LRP1B: variants seen among roughly 807,000 people sequenced by gnomAD.
LRP1B encodes the protein LDL receptor related protein 1B, also known as low-density lipoprotein receptor-related protein 1B.
A neutral mutation model predicts 556.6 loss-of-function variants in LRP1B; 217 were observed. That is an observed-to-expected ratio of 0.39 (90% CI 0.35 to 0.44). The LOEUF (loss-of-function observed/expected upper bound fraction) is 0.44, where lower values mean the gene tolerates loss of function less well. Among genes scored for constraint, LRP1B ranks in the 20% least tolerant of loss-of-function variants. The pLI is 1.00. For synonymous variants in LRP1B, 2,047 were observed against 1,865.8 expected (o/e 1.10, Z -2.50); for missense variants, 5,053 against 5,620.8 (o/e 0.90, Z 3.23).
chr2:140,539,966 G>A (rs1680072327), intron 45 of LRP1B, among the ~76,000 whole-genome samples: 1 of 152,054 alleles, frequency 6.6e-6, no homozygotes, highest in Non-Finnish European at 1.5e-5. Context: ...AACTTTCACA[G>A]TGAGAAAATA....
chr2:141,291,855 C>CAAAAAAAAAAAAA lies in LRP1B; in HGVS notation c.344-37227_344-37215dup, dbSNP rs143819331. On this transcript the variant is annotated intron_variant, in intron 3 of 90. Coordinates refer to ENST00000389484, the MANE Select transcript of LRP1B (RefSeq NM_018557.3). ...TGGGCGAAAGAGCGAGACTCTGTCT[C>CAAAAAAAAAAAAA]AAAAAAAAAAAAAAAAAAAAAAAAA... Among the ~76,000 whole-genome samples, 11 of 99,328 alleles carry CAAAAAAAAAAAAA rather than the reference C, an allele frequency of 1.1e-4. 1 individual carries two copies. The highest frequency in any genetic ancestry group is 2.2e-4 in the Admixed American group (2 of 9,064). The allele number at this position is 99,328 out of a possible 152,430, so 65.2% of individuals were successfully genotyped here.
At chr2:140,963,048 G>A (rs1696085107) in intron 18 of LRP1B, among the ~76,000 whole-genome samples, 1 of 152,128 alleles carries the variant, frequency 6.6e-6, no homozygotes. Flanking sequence ...ATGACAAAAT[G>A]TTACAGTGGC....
intron 2 of LRP1B, among the ~76,000 whole-genome samples, chr2:141,638,072 A>T (rs556464162): frequency 6.6e-6 from 1 of 152,202 alleles, no homozygotes; most frequent in South Asian, 2.1e-4. Flanking sequence ...TGTGGTGCTC[A>T]TCTGTAGTCC....
chr2:140,955,357 C>G (rs980092367), intron 18 of LRP1B, among the ~76,000 whole-genome samples: 7 of 151,714 alleles, frequency 4.6e-5, no homozygotes, highest in African/African-American at 1.7e-4. Flanking sequence ...AATGTCATTA[C>G]GAATTCTTAT....
intron 7 of LRP1B, among the ~76,000 whole-genome samples, chr2:141,067,339 T>C (rs2105476543): frequency 6.6e-6 from 1 of 152,148 alleles, no homozygotes; most frequent in South Asian, 2.1e-4. Context: ...AATAAACAAT[T>C]AAGCTATTTT....
At chr2:142,005,364 GA>G (rs1270930337) in intron 1 of LRP1B, among the ~76,000 whole-genome samples, 1 of 151,824 alleles carries the variant, frequency 6.6e-6, no homozygotes, top group African/African-American at 2.4e-5. Context: ...TTTTCAGACC[GA>G]AAAAAATAAG....
chr2:141,301,972 T>C (rs79526257), intron 3 of LRP1B, among the ~76,000 whole-genome samples: 2,093 of 152,270 alleles, frequency 0.014, 50 homozygotes, highest in African/African-American at 0.048. Flanking sequence ...TTCACTTGGC[T>C]GAGTATAAAA....
At chr2:141,308,506 A>G (rs1047987625) in intron 3 of LRP1B, among the ~76,000 whole-genome samples, 4 of 152,154 alleles carry the variant, frequency 2.6e-5, no homozygotes, top group Admixed American at 6.5e-5. Context: ...CTTTGTCAAC[A>G]TCTACTATAA....
intron 3 of LRP1B, among the ~76,000 whole-genome samples, chr2:141,385,038 C>A (rs1689777961): frequency 6.6e-6 from 1 of 152,144 alleles, no homozygotes. Context: ...TTTGTCTCTG[C>A]TGGACTCGGG....
At chr2:140,806,880 GT>G (rs1165763105) in intron 32 of LRP1B, among the ~76,000 whole-genome samples, 1 of 152,124 alleles carries the variant, frequency 6.6e-6, no homozygotes, top group Non-Finnish European at 1.5e-5. Flanking sequence ...GACAATATTT[GT>G]TTTACATGTG....
chr2:140,525,731 T>G, intron 49 of LRP1B, 113 bp downstream of exon 49: 1 of 940,208 alleles, frequency 1.1e-6, no homozygotes, highest in Non-Finnish European at 1.6e-6. Context: ...CCATTTAAAT[T>G]TTAATGTCAA....
chr2:141,932,905 A>G lies in LRP1B; in HGVS notation c.83-122504T>C, dbSNP rs184706604. ...TTTCTGATTAATATAACCATCAATT[A>G]TTTATTGATAAAGCAATTTCCTGTG... On this transcript the variant is annotated intron_variant, in intron 1 of 90. Coordinates refer to ENST00000389484, the MANE Select transcript of LRP1B (RefSeq NM_018557.3). Among the ~76,000 whole-genome samples the G allele has an allele frequency of 3.0e-3, 460 of 152,194 alleles. 2 individuals are homozygous for G. The highest frequency in any genetic ancestry group is 0.011 in the African/African-American group (445 of 41,578).
chr2:140,242,783 G>C (rs1681005070), intron 87 of LRP1B, among the ~76,000 whole-genome samples: 3 of 151,162 alleles, frequency 2.0e-5, no homozygotes. Flanking sequence ...GGGCTGGAAG[G>C]AGATGTGACT....
intron 43 of LRP1B, among the ~76,000 whole-genome samples, chr2:140,549,296 A>T (rs1178374494): frequency 6.6e-6 from 1 of 152,200 alleles, no homozygotes; most frequent in Non-Finnish European, 1.5e-5. Context: ...AAATAAAGAA[A>T]AGTGGGAAAA....
chr2:140,467,416 C>T (rs1378667854), intron 60 of LRP1B, among the ~76,000 whole-genome samples: 1 of 150,996 alleles, frequency 6.6e-6, no homozygotes, highest in Admixed American at 6.6e-5. Context: ...CCAGCCTGGC[C>T]AACATGGTGA....
At chr2:142,124,217 T>G (rs983943561) in intron 1 of LRP1B, among the ~76,000 whole-genome samples, 1 of 151,330 alleles carries the variant, frequency 6.6e-6, no homozygotes, top group African/African-American at 2.4e-5. Context: ...TAGACCCCAA[T>G]CATGTTGAGA....
intron 43 of LRP1B, among the ~76,000 whole-genome samples, chr2:140,557,864 A>G (rs1680790102): frequency 1.3e-5 from 2 of 152,012 alleles, no homozygotes; most frequent in African/African-American, 4.8e-5. Flanking sequence ...TCTCCTTTGT[A>G]CTTGCTAGGT....
At chr2:141,931,345 A>C (rs1482632376) in intron 1 of LRP1B, among the ~76,000 whole-genome samples, 2 of 151,986 alleles carry the variant, frequency 1.3e-5, no homozygotes, top group African/African-American at 2.4e-5. Context: ...CATGACTGCA[A>C]GAGTTTGGAG....
At chr2:140,833,402 A>G (rs761834957) in intron 31 of LRP1B, among the ~76,000 whole-genome samples, 14 of 152,166 alleles carry the variant, frequency 9.2e-5, no homozygotes, top group Non-Finnish European at 1.5e-4. Context: ...CACCACAACT[A>G]TGACCACCAT....
Sources: allele counts gnomAD v4.1 joint callset (sites outside exome capture counted in the v4.1 genomes callset), GRCh38; gene constraint gnomAD v4.1.1; transcripts MANE v1.5; gene names NCBI Gene and HGNC (gene_info 2026-07-23, HGNC 2026-07-21).